The following ENTREP2 variants were observed in gnomAD, a reference collection of about 807,000 sequenced individuals.
ENTREP2 encodes protein ENTREP2.
the ENTREP2 span, among the ~76,000 whole-genome samples, chr15:29,318,879 T>C: frequency 6.6e-6 from 1 of 152,226 alleles, no homozygotes; most frequent in Admixed American, 6.5e-5. Context: ...AACCAGTTTC[T>C]GCAAACTGAA....
At chr15:29,263,625 C>T in the ENTREP2 span, among the ~76,000 whole-genome samples, 2 of 152,228 alleles carry the variant, frequency 1.3e-5, no homozygotes, top group African/African-American at 2.4e-5. Context: ...CCAGAATACA[C>T]ACAGCGGTGC....
chr15:29,624,865 ATTAAT>A, the ENTREP2 span, among the ~76,000 whole-genome samples: 17 of 139,446 alleles, frequency 1.2e-4, no homozygotes, highest in Non-Finnish European at 2.4e-4. Flanking sequence ...TTTACCCTGC[ATTAAT>A]TTGTGTGTGT....
At chr15:29,519,437 C>G in the ENTREP2 span, among the ~76,000 whole-genome samples, 4 of 151,898 alleles carry the variant, frequency 2.6e-5, no homozygotes, top group African/African-American at 7.3e-5. Flanking sequence ...TCCTTTTCTA[C>G]TCAGCCCACT....
the ENTREP2 span, chr15:29,269,706 G>A: frequency 6.6e-7 from 1 of 1,526,592 alleles, no homozygotes; most frequent in South Asian, 1.3e-5. Flanking sequence ...TTTGCAACAT[G>A]TCTCCGGCGG....
chr15:29,282,265 A>C, the ENTREP2 span, among the ~76,000 whole-genome samples: 312 of 152,242 alleles, frequency 2.0e-3, 2 homozygotes, highest in African/African-American at 7.0e-3. Flanking sequence ...TGGTTTCATA[A>C]GGGGAAACTC....
chr15:29,238,361 G>A, the ENTREP2 span, among the ~76,000 whole-genome samples: 3 of 152,084 alleles, frequency 2.0e-5, no homozygotes, highest in South Asian at 2.1e-4. Context: ...AGCTAGGCGC[G>A]GTAGCTCACG....
chr15:29,585,026 G>GATAA, the ENTREP2 span, among the ~76,000 whole-genome samples: 1 of 131,088 alleles, frequency 7.6e-6, no homozygotes, highest in African/African-American at 2.6e-5. Flanking sequence ...TAGATAGATA[G>GATAA]ATAGATGATG....
chr15:29,441,082 G>A, the ENTREP2 span, among the ~76,000 whole-genome samples: 1 of 152,198 alleles, frequency 6.6e-6, no homozygotes, highest in Non-Finnish European at 1.5e-5. Flanking sequence ...ATCCACAAAT[G>A]CGTGCATTGA....
the ENTREP2 span, among the ~76,000 whole-genome samples, chr15:29,193,020 A>G: frequency 6.6e-6 from 1 of 152,210 alleles, no homozygotes; most frequent in East Asian, 1.9e-4. Flanking sequence ...CGCTAACATT[A>G]TACTTAATCC....
At chr15:29,374,062 T>C in the ENTREP2 span, 3 of 152,104 alleles carry the variant, frequency 2.0e-5, no homozygotes, top group African/African-American at 4.8e-5. Context: ...TTTTTAAAAA[T>C]TGTCTTGTGT....
chr15:29,409,855 C>A, the ENTREP2 span, among the ~76,000 whole-genome samples: 5 of 152,310 alleles, frequency 3.3e-5, no homozygotes, highest in African/African-American at 1.2e-4. Context: ...CATGATTCCA[C>A]CAACTCAAGC....
chr15:29,566,337 G>T, the ENTREP2 span, among the ~76,000 whole-genome samples: 6 of 150,926 alleles, frequency 4.0e-5, no homozygotes, highest in South Asian at 2.1e-4. Flanking sequence ...TTTTTGTATT[G>T]TTTTTTTTAG....
At chr15:29,399,348 C>T in the ENTREP2 span, among the ~76,000 whole-genome samples, 1 of 152,144 alleles carries the variant, frequency 6.6e-6, no homozygotes, top group Non-Finnish European at 1.5e-5. Context: ...ATGCTTGTGG[C>T]AATTTGCCAC....
chr15:29,371,049 ATC>A, the ENTREP2 span, among the ~76,000 whole-genome samples: 2 of 152,152 alleles, frequency 1.3e-5, no homozygotes, highest in Non-Finnish European at 2.9e-5. Flanking sequence ...CATCATCATC[ATC>A]TGTCATCATC....
chr15:29,485,072 C>A, the ENTREP2 span, among the ~76,000 whole-genome samples: 1 of 152,104 alleles, frequency 6.6e-6, no homozygotes, highest in Non-Finnish European at 1.5e-5. Context: ...GGGACATCAG[C>A]AAAAAGGCAG....
At chr15:29,192,013 C>T in the ENTREP2 span, among the ~76,000 whole-genome samples, 1 of 152,168 alleles carries the variant, frequency 6.6e-6, no homozygotes, top group Non-Finnish European at 1.5e-5. Context: ...CTGCCATCAC[C>T]TCTACTCTGC....
the ENTREP2 span, among the ~76,000 whole-genome samples, chr15:29,648,494 TGAA>T: frequency 6.6e-6 from 1 of 152,176 alleles, no homozygotes; most frequent in Non-Finnish European, 1.5e-5. Flanking sequence ...TTCCACCACC[TGAA>T]GAAGAGCCCC....
At chr15:29,590,673 G>A in the ENTREP2 span, among the ~76,000 whole-genome samples, 1 of 96,104 alleles carries the variant, frequency 1.0e-5, no homozygotes, top group South Asian at 4.1e-4. Context: ...GACAGAGCAA[G>A]ACTCCGTCTC....
the ENTREP2 span, chr15:29,269,902 G>A: frequency 1.9e-6 from 1 of 524,378 alleles, no homozygotes; most frequent in Non-Finnish European, 3.2e-6. Context: ...GGTACCAAAA[G>A]GAACAGCGTT....
Sources: allele counts gnomAD v4.1 joint callset (sites outside exome capture counted in the v4.1 genomes callset), GRCh38; gene constraint gnomAD v4.1.1; transcripts MANE v1.5; gene names NCBI Gene and HGNC (gene_info 2026-07-23, HGNC 2026-07-21).